Variants in AFDN observed in about 807,000 individuals in gnomAD.
AFDN encodes afadin.
Under a neutral mutation model 216.6 loss-of-function variants are expected in AFDN, and 68 were observed. That is an observed-to-expected ratio of 0.31 (90% CI 0.26 to 0.38). The LOEUF is 0.38. AFDN is among the 10% of genes least tolerant of loss of function. AFDN has a pLI of 1.00. For missense variants in AFDN, 2,136 were observed against 2,342.0 expected (o/e 0.91, Z 1.82); for synonymous variants, 868 against 853.7 (o/e 1.02, Z -0.29).
chr6:167,844,177 AGTGTGTGT>A (rs71004173), intron 1 of AFDN, among the ~76,000 whole-genome samples: 7,626 of 141,734 alleles, frequency 0.054, 246 homozygotes, highest in Non-Finnish European at 0.065. Context: ...TCAAAAATGA[AGTGTGTGT>A]GTGTGTGTGT....
intron 1 of AFDN, among the ~76,000 whole-genome samples, chr6:167,832,353 G>A (rs146724652): frequency 3.9e-5 from 6 of 152,250 alleles, no homozygotes; most frequent in Admixed American, 1.3e-4. Flanking sequence ...GAATTGTACC[G>A]TCTTTGTTAA....
At chr6:167,948,680 G>C (rs1373205953) in intron 29 of AFDN, among the ~76,000 whole-genome samples, 2 of 152,212 alleles carry the variant, frequency 1.3e-5, no homozygotes, top group Non-Finnish European at 2.9e-5. Context: ...TCTGATGTTT[G>C]ATTAACAAAA....
intron 18 of AFDN, 118 bp downstream of exon 18, chr6:167,914,856 T>C: frequency 1.4e-6 from 1 of 705,594 alleles, no homozygotes; most frequent in Middle Eastern, 2.4e-4. Flanking sequence ...TCCTTTTGGG[T>C]TTGGCAATCT....
chr6:167,919,676 A>G (rs977974440), intron 21 of AFDN, among the ~76,000 whole-genome samples: 3 of 152,230 alleles, frequency 2.0e-5, no homozygotes, highest in Admixed American at 1.3e-4. Context: ...GGATTTTATT[A>G]TGTCACTTTT....
intron 8 of AFDN, 125 bp downstream of exon 8, chr6:167,891,154 T>G (rs778751854): frequency 8.8e-5 from 61 of 697,132 alleles, no homozygotes; most frequent in South Asian, 7.8e-4. Flanking sequence ...GCCATTTATT[T>G]TTTTAAAAGT....
upstream of AFDN, chr6:167,826,880 G>A (rs111951952): frequency 1.4e-5 from 2 of 138,746 alleles, no homozygotes; most frequent in Non-Finnish European, 3.3e-5. Context: ...GGGCGCGGGC[G>A]GGTGCGGGCG....
intron 1 of AFDN, among the ~76,000 whole-genome samples, chr6:167,840,977 C>T (rs946341176): frequency 3.3e-5 from 5 of 152,128 alleles, no homozygotes; most frequent in African/African-American, 7.2e-5. Flanking sequence ...AGGGAGGGCA[C>T]GCTTGGAGGC....
intron 30 of AFDN, chr6:167,952,499 A>G (rs1796106572): frequency 1.0e-6 from 1 of 985,422 alleles, no homozygotes; most frequent in East Asian, 1.1e-4. Context: ...AGTATTTGTT[A>G]ATGACCAGTA....
intron 31 of AFDN, chr6:167,965,027 G>A (rs978738344): frequency 1.7e-5 from 18 of 1,044,320 alleles, no homozygotes; most frequent in Non-Finnish European, 2.1e-5. Context: ...TCTTGTTGCT[G>A]TTGCTGTTAG....
At position 167,918,918 on chromosome 6, in the gene AFDN, C is replaced by T; in HGVS notation, c.2893C>T (p.Pro965Ser). The change falls in exon 21 of 34, where the codon CCT (proline) becomes TCT (serine). Residue 965 changes from proline (P) to serine (S), a missense_variant. Coordinates refer to ENST00000683244, the MANE Select transcript of AFDN (RefSeq NM_001386888.1). ...IPNGLQEFLD[P>S]LCQRGFCRLI... ...AAATGGTTTACAAGAATTTTTAGAC[C>T]CTCTGTGCCAGAGAGGTAAATTAGT... The T allele has an allele frequency of 6.2e-7, 1 of 1,613,616 alleles. No homozygotes were observed. The highest frequency in any genetic ancestry group is 8.5e-7 in the Non-Finnish European group (1 of 1,179,744).
At chr6:167,889,703 C>G (rs1223467412) in intron 7 of AFDN, among the ~76,000 whole-genome samples, 6 of 152,194 alleles carry the variant, frequency 3.9e-5, no homozygotes, top group Admixed American at 3.9e-4. Context: ...TGAGTGTTGC[C>G]GTTGTCCCTA....
At chr6:167,838,326 C>CATCTCGCT (rs3042632) in intron 1 of AFDN, among the ~76,000 whole-genome samples, 129,936 of 151,572 alleles carry the variant, frequency 0.86, 55,795 homozygotes, top group Middle Eastern at 0.91. Context: ...GCCATCTCGC[C>CATCTCGCT]ATCTCGCTTA....
In AFDN at chr6:167,875,216, C is replaced by G. The variant is rs142738806; in HGVS notation, c.579-119C>G. The stretch of plus-strand genomic sequence containing the variant: ...GTGGTAAATAGTACGTAACAGACCT[C>G]TTAGGTACAGATGTAGCCAAATAGC... On this transcript the variant is annotated intron_variant, in intron 4 of 33. Coordinates refer to ENST00000683244, the MANE Select transcript of AFDN (RefSeq NM_001386888.1). 2.7e-4 allele frequency: 229 copies of G among 841,604 alleles called. 2 individuals carry two copies. In the East Asian group the frequency reaches 5.6e-3, roughly 20 times the overall value. 52.1% of individuals were successfully genotyped at this position (841,604 alleles called of 1,614,324 possible).
chr6:167,923,473 C>G (rs1366073942), intron 22 of AFDN, among the ~76,000 whole-genome samples: 1 of 152,058 alleles, frequency 6.6e-6, no homozygotes, highest in East Asian at 1.9e-4. Context: ...TTTGTATATT[C>G]AAAGTAATTA....
intron 1 of AFDN, among the ~76,000 whole-genome samples, chr6:167,838,903 T>G (rs988191672): frequency 6.6e-6 from 1 of 152,250 alleles, no homozygotes; most frequent in Non-Finnish European, 1.5e-5. Context: ...GACTACTCAC[T>G]CTGCTAGTGT....
rs1782249504 is a variant in AFDN at position 167,851,052 on chromosome 6, G to GT, written c.106-13497dup. Among the ~76,000 whole-genome samples the GT allele has an allele frequency of 2.0e-5, 3 of 152,070 alleles. 1 individual carries two copies. Among genetic ancestry groups the GT allele is most frequent in the Admixed American group, 2.0e-4 (3 of 15,254 alleles). ...TCTCCTGCCTCAACCTCCTGCTGGG[G>GT]TTACAGGCACCCACCACCATGCCCA... is the stretch of plus-strand genomic sequence containing the variant. On this transcript the variant is annotated intron_variant, in intron 1 of 33. Transcript: ENST00000683244.
chr6:167,877,123 A>C (rs1355418066), intron 5 of AFDN, among the ~76,000 whole-genome samples: 1 of 152,184 alleles, frequency 6.6e-6, no homozygotes, highest in Non-Finnish European at 1.5e-5. Context: ...GGTCTGAAGA[A>C]ATATTTAAGA....
chr6:167,946,367 C>G (rs75883164), intron 26 of AFDN, among the ~76,000 whole-genome samples: 1,894 of 152,090 alleles, frequency 0.012, 46 homozygotes, highest in African/African-American at 0.043. Context: ...ATTAAAAGTT[C>G]AGATATTTTT....
intron 6 of AFDN, among the ~76,000 whole-genome samples, chr6:167,884,567 G>A (rs959573513): frequency 2.8e-4 from 42 of 152,156 alleles, no homozygotes; most frequent in African/African-American, 9.4e-4. Context: ...TTGTCAGTGA[G>A]CAGTAATATT....
Sources: gnomAD v4.1 joint callset for allele counts (sites outside exome capture counted in the v4.1 genomes callset) on GRCh38, gnomAD v4.1.1 for gene constraint, MANE v1.5 for transcripts, NCBI Gene and HGNC (gene_info 2026-07-23, HGNC 2026-07-21) for gene names.